The following DCAF6 variants were observed in gnomAD, a reference collection of about 807,000 sequenced individuals.
The protein encoded by DCAF6 is DDB1- and CUL4-associated factor 6.
A neutral mutation model predicts 125.1 loss-of-function variants in DCAF6; 54 were observed. The observed-to-expected ratio is 0.43, with a 90% CI of 0.35 to 0.54. The LOEUF is 0.54. DCAF6 is among the 20% of genes least tolerant of loss of function. DCAF6 has a pLI of 0.01. For synonymous variants in DCAF6, 371 were observed against 390.4 expected, an observed-to-expected ratio of 0.95 and a Z score of 0.58; for missense variants, 934 against 1,161.7, an observed-to-expected ratio of 0.80 and a Z score of 2.85.
At chr1:167,939,041 T>A (rs1671818125) in intron 1 of DCAF6, among the ~76,000 whole-genome samples, 1 of 152,222 alleles carries the variant, frequency 6.6e-6, no homozygotes, top group South Asian at 2.1e-4. Context: ...AATGACTTCC[T>A]TTAAAAGTGG....
intron 4 of DCAF6, among the ~76,000 whole-genome samples, chr1:167,986,042 G>A (rs1440128291): frequency 6.6e-6 from 1 of 152,172 alleles, no homozygotes; most frequent in Non-Finnish European, 1.5e-5. Flanking sequence ...GCTGAGAATA[G>A]TAATGATTTG....
the DCAF6 span, among the ~76,000 whole-genome samples, chr1:167,873,074 GAAAA>G: frequency 6.9e-6 from 1 of 145,838 alleles, no homozygotes; most frequent in Admixed American, 6.8e-5. Flanking sequence ...TGTCTCAAAA[GAAAA>G]AAAAAAGAAA....
chr1:168,074,675 C>G (rs1693592375), intron 21 of DCAF6, among the ~76,000 whole-genome samples: 1 of 152,098 alleles, frequency 6.6e-6, no homozygotes, highest in Non-Finnish European at 1.5e-5. Context: ...GTTCATAATT[C>G]TGCAGATAGC....
At chr1:167,896,855 A>G in the DCAF6 span, among the ~76,000 whole-genome samples, 5 of 152,210 alleles carry the variant, frequency 3.3e-5, no homozygotes, top group Non-Finnish European at 7.3e-5. Flanking sequence ...TAAATTGAAA[A>G]TCTAAAAAAT....
rs1043373571 is a variant in DCAF6 at position 168,011,127 on chromosome 1, T to A, written c.1379-4654T>A. The stretch of plus-strand genomic sequence containing the variant: ...ACCATCAGAATTTTTTTTTTTTTTT[T>A]TTTTTTTTGAGATGGAGTCTTGCTC... On this transcript the variant is annotated intron_variant, in intron 10 of 21. Transcript: ENST00000367840. 3.4e-5 allele frequency among the ~76,000 whole-genome samples: 5 copies of A among 147,502 alleles called. No homozygotes were observed. In the South Asian group the frequency reaches 8.9e-4, roughly 26 times the overall value.
At chr1:168,028,204 T>G (rs1293004878) in intron 12 of DCAF6, among the ~76,000 whole-genome samples, 1 of 152,172 alleles carries the variant, frequency 6.6e-6, no homozygotes, top group Non-Finnish European at 1.5e-5. Context: ...ATATATTTAT[T>G]TTACCTTGTT....
intron 11 of DCAF6, among the ~76,000 whole-genome samples, chr1:168,020,374 A>G (rs767966921): frequency 6.6e-6 from 1 of 152,126 alleles, no homozygotes; most frequent in Non-Finnish European, 1.5e-5. Context: ...ATAATTGTCT[A>G]TTTTTTCTAC....
At chr1:168,052,179 T>C (rs1435532569) in intron 17 of DCAF6, among the ~76,000 whole-genome samples, 3 of 152,236 alleles carry the variant, frequency 2.0e-5, no homozygotes, top group African/African-American at 7.2e-5. Flanking sequence ...CCACCGCATC[T>C]GGCCTAGTTA....
chr1:167,936,034 G>T (rs1442490079), upstream of DCAF6: 1 of 601,276 alleles, frequency 1.7e-6, no homozygotes, highest in South Asian at 2.0e-5. Flanking sequence ...CGAAGGTTGA[G>T]GGGGCGGAGG....
intron 7 of DCAF6, among the ~76,000 whole-genome samples, chr1:168,000,296 A>G (rs79921722): frequency 2.4e-4 from 36 of 152,298 alleles, no homozygotes; most frequent in African/African-American, 8.2e-4. Flanking sequence ...CATAATAGGT[A>G]GGATAATAAT....
intron 2 of DCAF6, 97 bp from the exon 3 acceptor site, chr1:167,966,532 A>G (rs2102829439): frequency 5.1e-6 from 4 of 782,016 alleles, no homozygotes; most frequent in Middle Eastern, 3.3e-4. Context: ...GTATAACCTC[A>G]TTAGTGGTAA....
intron 4 of DCAF6, among the ~76,000 whole-genome samples, chr1:167,981,635 G>A (rs1679148418): frequency 1.3e-5 from 2 of 152,084 alleles, no homozygotes; most frequent in African/African-American, 2.4e-5. Flanking sequence ...TGCTGTATTT[G>A]GTTTTCTGTT....
chr1:168,016,765 T>C (rs1329489952), intron 11 of DCAF6, among the ~76,000 whole-genome samples: 1 of 152,116 alleles, frequency 6.6e-6, no homozygotes, highest in Non-Finnish European at 1.5e-5. Context: ...ATTATATAAA[T>C]ACTATAGTAG....
chr1:167,896,527 C>A, the DCAF6 span: 2 of 1,254,486 alleles, frequency 1.6e-6, no homozygotes, highest in South Asian at 2.4e-5. Context: ...ATGAAGCTGT[C>A]GGCATTGATA....
intron 18 of DCAF6, 137 bp from the exon 19 acceptor site, chr1:168,065,453 T>G (rs569058460): frequency 6.6e-6 from 5 of 757,032 alleles, no homozygotes; most frequent in Admixed American, 2.9e-5. Context: ...CAGCATCAAT[T>G]TTTAATTTTA....
chr1:167,938,287 A>G (rs955266721), intron 1 of DCAF6, among the ~76,000 whole-genome samples: 14 of 148,076 alleles, frequency 9.5e-5, no homozygotes, highest in Admixed American at 3.4e-4. Context: ...TGTGTATGAG[A>G]GAGACACCTG....
chr1:167,977,341 A>G lies in DCAF6; in HGVS notation c.438+2326A>G, dbSNP rs183102539. ...AAAATGTCTTTTTTTTTTAAATGCC[A>G]GTTCTTCAAAGATAGTTTTGCTGGG... On this transcript the variant is annotated intron_variant, in intron 4 of 21. Transcript: ENST00000367840. Among the ~76,000 whole-genome samples, 417 of 147,876 alleles carry G rather than the reference A, an allele frequency of 2.8e-3. 4 individuals carry two copies. Among genetic ancestry groups the G allele is most frequent in the African/African-American group, 0.01 (407 of 40,114 alleles).
At chr1:167,993,183 T>A in intron 6 of DCAF6, 43 bp from the exon 7 acceptor site, 1 of 1,517,536 alleles carries the variant, frequency 6.6e-7, no homozygotes, top group African/African-American at 1.4e-5. Context: ...TGTTTTTCTT[T>A]AAAACATTAT....
chr1:167,977,872 C>T (rs1678492475), intron 4 of DCAF6, among the ~76,000 whole-genome samples: 1 of 152,112 alleles, frequency 6.6e-6, no homozygotes, highest in Admixed American at 6.6e-5. Flanking sequence ...ATGTAACTAC[C>T]ACCTAGCACA....
Sources: allele counts gnomAD v4.1 joint callset (sites outside exome capture counted in the v4.1 genomes callset), GRCh38; gene constraint gnomAD v4.1.1; transcripts MANE v1.5; gene names NCBI Gene and HGNC (gene_info 2026-07-23, HGNC 2026-07-21).